The following NSD2 variants were observed in gnomAD, a reference collection of about 807,000 sequenced individuals.
The protein encoded by NSD2 is histone-lysine N-methyltransferase NSD2.
Under a neutral mutation model 139.0 loss-of-function variants are expected in NSD2, and 12 were observed. The ratio of observed to expected loss-of-function variants is 0.09; its 90% confidence interval spans 0.06 to 0.14. The LOEUF is 0.14. NSD2 is among the 10% of genes least tolerant of loss of function. The pLI, the probability that NSD2 is intolerant of heterozygous loss-of-function variation, is 1.00. For missense variants in NSD2, 1,155 were observed against 1,745.0 expected, an observed-to-expected ratio of 0.66 and a Z score of 6.02; for synonymous variants, 669 against 648.7, an observed-to-expected ratio of 1.03 and a Z score of -0.48.
intron 1 of NSD2, among the ~76,000 whole-genome samples, 188 bp from the exon 2 acceptor site, chr4:1,900,438 A>G (rs1716998827): frequency 6.6e-6 from 1 of 151,872 alleles, no homozygotes; most frequent in African/African-American, 2.4e-5. Context: ...CAGCTTTATC[A>G]TTTTGTGATT....
At chr4:1,959,439 G>A in intron 16 of NSD2, 32 bp from the exon 17 acceptor site, 1 of 1,602,846 alleles carries the variant, frequency 6.2e-7, no homozygotes, top group Non-Finnish European at 8.5e-7. Context: ...GCTCTCATGT[G>A]TGGACCAAGA....
chr4:1,940,160 A>G, intron 9 of NSD2: 4 of 1,114,968 alleles, frequency 3.6e-6, no homozygotes, highest in Non-Finnish European at 4.4e-6. Flanking sequence ...TTGAGCTGAC[A>G]TATACTGGGT....
chr4:1,945,928 G>A (rs941944168), intron 9 of NSD2: 2 of 1,056,602 alleles, frequency 1.9e-6, no homozygotes, highest in African/African-American at 3.3e-5. Flanking sequence ...CTAACATCTA[G>A]CCCTTTTAAA....
At chr4:1,873,335 A>C (rs1714007413) in intron 1 of NSD2, among the ~76,000 whole-genome samples, 1 of 152,220 alleles carries the variant, frequency 6.6e-6, no homozygotes, top group Non-Finnish European at 1.5e-5. Context: ...ATTAACTGAG[A>C]ATTTGAAAGA....
intron 9 of NSD2, chr4:1,946,458 A>T (rs1247945312): frequency 8.5e-6 from 5 of 587,264 alleles, no homozygotes; most frequent in African/African-American, 8.0e-5. Flanking sequence ...TTTAGTAGAG[A>T]CAGGGTTTCG....
At chr4:1,959,848 T>C (rs1364354731) in intron 17 of NSD2, 108 bp downstream of exon 17, 1 of 1,468,256 alleles carries the variant, frequency 6.8e-7, no homozygotes, top group Non-Finnish European at 9.1e-7. Context: ...ATGGTATTTT[T>C]TGGAAAAAAA....
At chr4:1,946,057 C>A in intron 9 of NSD2, 1 of 1,033,614 alleles carries the variant, frequency 9.7e-7, no homozygotes, top group Non-Finnish European at 1.2e-6. Flanking sequence ...TCAATAGATT[C>A]ATCACCTTAG....
At chr4:1,941,057 G>T in intron 9 of NSD2, 2 of 1,056,518 alleles carry the variant, frequency 1.9e-6, no homozygotes, top group Non-Finnish European at 2.3e-6. Flanking sequence ...CTGGAGAAAA[G>T]GCAGTAAGAA....
intron 9 of NSD2, chr4:1,940,420 G>A (rs1363492206): frequency 9.4e-7 from 1 of 1,063,478 alleles, no homozygotes; most frequent in Non-Finnish European, 1.1e-6. Context: ...TGCCATCATT[G>A]TAACATGACA....
chr4:1,969,738 A>G (rs562429435), intron 18 of NSD2, among the ~76,000 whole-genome samples: 1 of 152,136 alleles, frequency 6.6e-6, no homozygotes, highest in Non-Finnish European at 1.5e-5. Context: ...GACCCAAAAC[A>G]GCAGAACTTC....
chr4:1,900,017 T>A (rs895475918), intron 1 of NSD2, among the ~76,000 whole-genome samples: 1 of 152,160 alleles, frequency 6.6e-6, no homozygotes, highest in African/African-American at 2.4e-5. Flanking sequence ...GACTCTTGGC[T>A]TTTTGCTTCT....
intron 8 of NSD2, 64 bp downstream of exon 8, chr4:1,938,596 G>GGGGGGGGC: frequency 2.6e-6 from 2 of 760,492 alleles, no homozygotes; most frequent in East Asian, 3.0e-5. Context: ...GGGTGGGTGG[G>GGGGGGGGC]CTGAGAGTGT....
At chr4:1,872,010 G>A (rs1248198426) in intron 1 of NSD2, among the ~76,000 whole-genome samples, 1 of 150,790 alleles carries the variant, frequency 6.6e-6, no homozygotes, top group Non-Finnish European at 1.5e-5. Flanking sequence ...CCCCCGGTCC[G>A]GGGCGGCCGC....
At chr4:1,921,348 A>C (rs546044407) in intron 5 of NSD2, among the ~76,000 whole-genome samples, 29 of 152,052 alleles carry the variant, frequency 1.9e-4, no homozygotes, top group Middle Eastern at 3.4e-3. Context: ...ACTTCCGGCT[A>C]TGTGGGAGGC....
At chr4:1,878,898 A>G (rs1714497390) in intron 1 of NSD2, among the ~76,000 whole-genome samples, 2 of 152,184 alleles carry the variant, frequency 1.3e-5, no homozygotes, top group African/African-American at 2.4e-5. Context: ...GGACTGGGCC[A>G]TAGCGTGAGA....
At position 1,901,216 on chromosome 4, in the gene NSD2, C is replaced by T. The variant is rs886059315; in HGVS notation, c.562C>T (p.Leu188Phe). 1 of 1,594,304 alleles carries T rather than the reference C, an allele frequency of 6.3e-7. No individual in the cohort carries two copies. Among genetic ancestry groups the T allele is most frequent in the Non-Finnish European group, 8.5e-7 (1 of 1,172,892 alleles). ...LLEQGLVEAA[L>F]VSKISSPSDK... Reference sequence around the variant, plus strand: ...GGAGCAGGGCCTTGTCGAAGCAGCTCTTGTGTCTAAGATCTCAAGTCCTTC... The same window carrying T: ...GGAGCAGGGCCTTGTCGAAGCAGCTTTTGTGTCTAAGATCTCAAGTCCTTC... Residue 188 changes from leucine to phenylalanine, a missense_variant, in exon 2 of 22, where the codon CTT (leucine) becomes TTT (phenylalanine). Transcript: ENST00000508803.
At chr4:1,928,203 G>GT (rs142236442) in intron 5 of NSD2, among the ~76,000 whole-genome samples, 7 of 151,790 alleles carry the variant, frequency 4.6e-5, no homozygotes, top group Non-Finnish European at 1.5e-5. Flanking sequence ...TGTCCAGCTT[G>GT]TTTTTTGATA....
At position 1,979,282 on chromosome 4, in the gene NSD2, G is replaced by A. The variant is rs1275489076; in HGVS notation, c.*373G>A. Reference sequence around the variant, plus strand: ...AATGTGTAGCGTAGGCTTTTCCCAAGGGTCGCTAGAAACTCGTCTTCGCGT... The same window carrying A: ...AATGTGTAGCGTAGGCTTTTCCCAAAGGTCGCTAGAAACTCGTCTTCGCGT... On this transcript the variant is annotated 3_prime_UTR_variant, in exon 22 of 22. Coordinates refer to ENST00000508803, the MANE Select transcript of NSD2 (RefSeq NM_001042424.3). 4.0e-6 allele frequency: 1 copy of A among 251,314 alleles called. No individual in the cohort carries two copies. Among genetic ancestry groups the A allele is most frequent in the Non-Finnish European group, 7.6e-6 (1 of 131,144 alleles). The allele number at this position is 251,314 out of a possible 1,614,324, so 15.6% of individuals were successfully genotyped here.
chr4:1,925,013 G>A (rs1577454863), intron 5 of NSD2, among the ~76,000 whole-genome samples: 1 of 152,182 alleles, frequency 6.6e-6, no homozygotes, highest in African/African-American at 2.4e-5. Flanking sequence ...GGCCCATGGG[G>A]CCTCCCTTCC....
Sources: allele counts gnomAD v4.1 joint callset (sites outside exome capture counted in the v4.1 genomes callset), GRCh38; gene constraint gnomAD v4.1.1; transcripts MANE v1.5; gene names NCBI Gene and HGNC (gene_info 2026-07-23, HGNC 2026-07-21).